Variants in TP53BP1 observed in about 807,000 individuals in gnomAD.
The protein encoded by TP53BP1 is TP53-binding protein 1.
A neutral mutation model predicts 200.8 loss-of-function variants in TP53BP1; 61 were observed. That is an observed-to-expected ratio of 0.30 (90% CI 0.25 to 0.38). The LOEUF is 0.38. Ranked by LOEUF, TP53BP1 falls within the 10% of genes least tolerant of loss-of-function variation. The pLI is 1.00. For missense variants in TP53BP1, 2,144 were observed against 2,371.9 expected (o/e 0.90, Z 2.00); for synonymous variants, 822 against 844.3 (o/e 0.97, Z 0.46).
intron 7 of TP53BP1, 51 bp from the exon 8 acceptor site, chr15:43,477,810 T>C (rs1348842401): frequency 1.4e-6 from 2 of 1,380,328 alleles, no homozygotes; most frequent in Non-Finnish European, 1.9e-6. Context: ...CAAATGTTTT[T>C]AAATAAAAAG....
At chr15:43,435,149 G>C (rs2045762262) in intron 16 of TP53BP1, among the ~76,000 whole-genome samples, 1 of 151,374 alleles carries the variant, frequency 6.6e-6, no homozygotes, top group East Asian at 1.9e-4. Flanking sequence ...TGTAGTCCCA[G>C]CTACTTGGGA....
chr15:43,481,489 A>T (rs1479108813), intron 4 of TP53BP1, among the ~76,000 whole-genome samples: 1 of 150,920 alleles, frequency 6.6e-6, no homozygotes, highest in African/African-American at 2.4e-5. Context: ...ACACACACAC[A>T]CACTTTTTAT....
At chr15:43,464,469 T>G (rs563546860) in intron 11 of TP53BP1, among the ~76,000 whole-genome samples, 1 of 152,192 alleles carries the variant, frequency 6.6e-6, no homozygotes, top group African/African-American at 2.4e-5. Context: ...AATAAAACCA[T>G]GTTCACACAC....
intron 14 of TP53BP1, among the ~76,000 whole-genome samples, chr15:43,445,374 C>T (rs1040903266): frequency 6.6e-6 from 1 of 152,200 alleles, no homozygotes; most frequent in Admixed American, 6.5e-5. Context: ...CCATAGGCTT[C>T]CATGGCTTCA....
At chr15:43,450,114 A>G (rs1198335788) in intron 12 of TP53BP1, among the ~76,000 whole-genome samples, 1 of 152,222 alleles carries the variant, frequency 6.6e-6, no homozygotes, top group Non-Finnish European at 1.5e-5. Flanking sequence ...GTTGTAGGTC[A>G]GCATACCAAA....
At chr15:43,430,248 T>C (rs2045639080) in intron 17 of TP53BP1, among the ~76,000 whole-genome samples, 1 of 152,188 alleles carries the variant, frequency 6.6e-6, no homozygotes, top group African/African-American at 2.4e-5. Context: ...CCTATGCTTT[T>C]CCACTAGCAC....
intron 16 of TP53BP1, 60 bp from the exon 17 acceptor site, chr15:43,432,737 G>A (rs1427968323): frequency 6.6e-7 from 1 of 1,519,714 alleles, no homozygotes; most frequent in Non-Finnish European, 8.8e-7. Flanking sequence ...GTGAACGTGT[G>A]TGTGTGCGTG....
In TP53BP1 at chr15:43,421,998, G is replaced by A. The variant is rs150811454; in HGVS notation, c.3957C>T (p.Arg1319=). The change falls in exon 19 of 28, where the codon CGC becomes CGT. Residue 1319 remains arginine (R), a synonymous_variant. Transcript: ENST00000382044. ...CTGAGAGACTTGTCCCACTTGATGT[G>A]CGGTGTAAGCTGGATGCCTTGGAGG... ...SFSSKASSLH[R]TSSGTSLSAM... is the part of the protein sequence containing the mutation. 3.5e-5 allele frequency: 57 copies of A among 1,614,178 alleles called. No homozygotes were observed. The African/African-American group carries it at 7.1e-4, about 20-fold the overall frequency.
chr15:43,480,094 G>C, intron 5 of TP53BP1, 77 bp from the exon 6 acceptor site: 1 of 1,406,512 alleles, frequency 7.1e-7, no homozygotes, highest in Non-Finnish European at 9.8e-7. Flanking sequence ...CTCAGCAAAG[G>C]AGGGTCCCGT....
At chr15:43,439,126 G>A (rs1292865272) in intron 15 of TP53BP1, among the ~76,000 whole-genome samples, 2 of 152,140 alleles carry the variant, frequency 1.3e-5, no homozygotes, top group Non-Finnish European at 2.9e-5. Context: ...ATACATGGCA[G>A]TCCATTATAC....
intron 21 of TP53BP1, among the ~76,000 whole-genome samples, chr15:43,417,771 CAAT>C (rs1236499836): frequency 2.6e-5 from 4 of 152,206 alleles, no homozygotes; most frequent in Non-Finnish European, 5.9e-5. Context: ...ATATAGCTAA[CAAT>C]GTTATCCAGA....
intron 15 of TP53BP1, 44 bp from the exon 16 acceptor site, chr15:43,438,460 AAAAG>A: frequency 6.6e-7 from 1 of 1,515,690 alleles, no homozygotes; most frequent in Non-Finnish European, 9.0e-7. Context: ...CTTTGAAAAG[AAAAG>A]TACTTTTGGA....
intron 16 of TP53BP1, among the ~76,000 whole-genome samples, chr15:43,436,276 C>A (rs1396707996): frequency 6.6e-6 from 1 of 152,096 alleles, no homozygotes; most frequent in African/African-American, 2.4e-5. Flanking sequence ...CTGGCTAAAT[C>A]ATGCTACTTA....
At position 43,407,149 on chromosome 15, in the gene TP53BP1, G is replaced by A. The variant is rs1432420170; in HGVS notation, c.*234C>T. ...GAATAAGCCTGTTGAAAGACTCAGA[G>A]AAAGTACTATGTCTTGTCATTTGTT... is the stretch of plus-strand genomic sequence containing the variant. On this transcript the variant is annotated 3_prime_UTR_variant, in exon 28 of 28. Coordinates refer to ENST00000382044, the MANE Select transcript of TP53BP1 (RefSeq NM_001141980.3). The A allele has an allele frequency of 6.4e-6, 3 of 471,418 alleles. No homozygotes were observed. The highest frequency in any genetic ancestry group is 1.1e-5 in the Non-Finnish European group (3 of 262,086). The allele number at this position is 471,418 out of a possible 1,614,324, so 29.2% of individuals were successfully genotyped here.
intron 8 of TP53BP1, among the ~76,000 whole-genome samples, chr15:43,476,424 A>G (rs551355132): frequency 4.6e-5 from 7 of 152,216 alleles, no homozygotes; most frequent in Non-Finnish European, 8.8e-5. Context: ...TACAGATGGG[A>G]GAAGTCAAAA....
At chr15:43,493,263 C>G (rs2079155086), upstream of TP53BP1, 1 of 1,413,700 alleles carries the variant, frequency 7.1e-7, no homozygotes, top group Admixed American at 2.8e-5. Context: ...GTGCCCTGCC[C>G]CACGTAAGAA....
chr15:43,493,131 C>T lies in TP53BP1; in HGVS notation c.-88G>A. 6.3e-7 allele frequency: 1 copy of T among 1,582,828 alleles called. No individual in the cohort carries two copies. ...ATCGATCCCTAGGTCGCCGCTGTCGCCACCGCCGCCACCGGCCGCGAACTC... is the reference window on the plus strand; with the variant it reads ...ATCGATCCCTAGGTCGCCGCTGTCGTCACCGCCGCCACCGGCCGCGAACTC... On this transcript the variant is annotated 5_prime_UTR_variant, in exon 1 of 28. Transcript: ENST00000382044.
intron 20 of TP53BP1, 86 bp from the exon 21 acceptor site, chr15:43,420,821 T>C: frequency 7.3e-7 from 1 of 1,361,580 alleles, no homozygotes; most frequent in Non-Finnish European, 1.0e-6. Context: ...CCTTTGTCCA[T>C]GGGTCTCCTC....
chr15:43,433,722 T>C (rs529640560), intron 16 of TP53BP1, among the ~76,000 whole-genome samples: 145 of 152,310 alleles, frequency 9.5e-4, no homozygotes, highest in Non-Finnish European at 1.8e-3. Flanking sequence ...ACATCTGGAA[T>C]ATCTGTTTCA....
Sources: gnomAD v4.1 joint callset for allele counts (sites outside exome capture counted in the v4.1 genomes callset) on GRCh38, gnomAD v4.1.1 for gene constraint, MANE v1.5 for transcripts, NCBI Gene and HGNC (gene_info 2026-07-23, HGNC 2026-07-21) for gene names.